BSDC1: variants seen among roughly 807,000 people sequenced by gnomAD.
BSDC1 encodes the protein BSD domain containing 1, also known as BSD domain-containing protein 1.
BSDC1 carries 29 observed loss-of-function variants against 56.0 expected under a neutral mutation model. That is an observed-to-expected ratio of 0.52 (90% CI 0.39 to 0.71). The LOEUF is 0.71. Among genes scored for constraint, BSDC1 ranks in the 30% least tolerant of loss-of-function variants. The pLI, the probability that BSDC1 is intolerant of heterozygous loss-of-function variation, is 0.00. For synonymous variants in BSDC1, 210 were observed against 215.3 expected (o/e 0.98, Z 0.21); for missense variants, 477 against 548.5 (o/e 0.87, Z 1.30).
At chr1:32,385,191 A>T (rs1642623163) in intron 3 of BSDC1, among the ~76,000 whole-genome samples, 1 of 152,200 alleles carries the variant, frequency 6.6e-6, no homozygotes, top group African/African-American at 2.4e-5. Flanking sequence ...CTTTGCAGGG[A>T]TATCTTTGAC....
chr1:32,381,316 A>G, intron 4 of BSDC1, 48 bp from the exon 5 acceptor site: 11 of 1,571,494 alleles, frequency 7.0e-6, no homozygotes, highest in Non-Finnish European at 9.6e-6. Context: ...GATACTGGGC[A>G]TAGAAAGCAC....
Position 32,365,446 on chromosome 1 carries a change from T to G in BSDC1, c.*1176A>C, listed in dbSNP as rs1025829296. The G allele has an allele frequency of 2.0e-5, 3 of 152,484 alleles. No individual in the cohort carries two copies. The highest frequency in any genetic ancestry group is 7.2e-5 in the African/African-American group (3 of 41,468). 9.4% of individuals were successfully genotyped at this position (152,484 alleles called of 1,614,324 possible). The stretch of plus-strand genomic sequence containing the variant: ...AGTGACCTCACTCTCTCGGTGTCCC[T>G]GACCCACGATCCCTTTCACTCATTG... On this transcript the variant is annotated 3_prime_UTR_variant, in exon 11 of 11. Transcript: ENST00000455895.
chr1:32,393,312 TCCA>T (rs1642930408), intron 2 of BSDC1, among the ~76,000 whole-genome samples: 1 of 152,206 alleles, frequency 6.6e-6, no homozygotes, highest in Non-Finnish European at 1.5e-5. Flanking sequence ...AAGAAGGCCT[TCCA>T]CTCTCTGGTG....
rs760817406 is a variant in BSDC1 at position 32,378,164 on chromosome 1, C to A, written c.597+51G>T. The A allele has an allele frequency of 1.2e-6, 2 of 1,609,708 alleles. No homozygotes were observed. Among genetic ancestry groups the A allele is most frequent in the South Asian group, 1.1e-5 (1 of 90,956 alleles). ...CCCTTTCTTCTCTCAATAAATCCAG[C>A]CTGCTTCCCCCAGGGTTGAGTGGGG... On this transcript the variant is annotated intron_variant, in intron 7 of 10. Coordinates refer to ENST00000455895, the MANE Select transcript of BSDC1 (RefSeq NM_018045.8). This position sits in a 1 kb window ranked among gnomAD's most constrained non-coding sequence, Gnocchi z 5.2.
At chr1:32,384,926 T>A (rs1285133993) in intron 3 of BSDC1, among the ~76,000 whole-genome samples, 1 of 152,192 alleles carries the variant, frequency 6.6e-6, no homozygotes, top group Non-Finnish European at 1.5e-5. Flanking sequence ...TTATAGCAGT[T>A]TAGCAGGGTT....
At chr1:32,368,132 A>G (rs1641918522) in intron 10 of BSDC1, 1 of 1,393,326 alleles carries the variant, frequency 7.2e-7, no homozygotes, top group Non-Finnish European at 9.3e-7. Flanking sequence ...TTGGCCTCCC[A>G]AAGTGTTGGG....
At chr1:32,387,675 A>G (rs1642721826) in intron 2 of BSDC1, among the ~76,000 whole-genome samples, 1 of 152,096 alleles carries the variant, frequency 6.6e-6, no homozygotes, top group Non-Finnish European at 1.5e-5. Context: ...AAGTGTTTCT[A>G]TTTTTACTTT....
chr1:32,371,471 C>T (rs1031856104), intron 9 of BSDC1, among the ~76,000 whole-genome samples: 7 of 151,774 alleles, frequency 4.6e-5, no homozygotes, highest in East Asian at 3.9e-4. Context: ...CCACCACGCC[C>T]GGCTAATTTT....
chr1:32,389,175 C>T (rs540661009), intron 2 of BSDC1, among the ~76,000 whole-genome samples: 6 of 152,160 alleles, frequency 3.9e-5, no homozygotes, highest in African/African-American at 7.2e-5. Context: ...AGGATGGTCT[C>T]GATCTCCTGA....
At chr1:32,368,158 C>T in intron 10 of BSDC1, 2 of 1,428,436 alleles carry the variant, frequency 1.4e-6, no homozygotes, top group African/African-American at 2.9e-5. Context: ...AGGTGTGAGC[C>T]ACCGCGCTCA....
At chr1:32,394,210 C>G (rs977968913) in intron 1 of BSDC1, 70 bp from the exon 2 acceptor site, 11 of 1,578,598 alleles carry the variant, frequency 7.0e-6, no homozygotes, top group Non-Finnish European at 8.6e-6. Context: ...CGGTTTGTTC[C>G]CCGCTCAGAT....
chr1:32,391,013 A>G (rs1427243027), intron 2 of BSDC1, among the ~76,000 whole-genome samples: 2 of 151,994 alleles, frequency 1.3e-5, no homozygotes, highest in African/African-American at 4.8e-5. Context: ...GAAAGTGGAC[A>G]GAGCAATGGG....
intron 3 of BSDC1, 22 bp from the exon 4 acceptor site, chr1:32,384,019 G>A: frequency 6.2e-7 from 1 of 1,612,964 alleles, no homozygotes; most frequent in Non-Finnish European, 8.5e-7. Flanking sequence ...ACGGGCAGAG[G>A]AAGCAAGCGC....
chr1:32,369,684 C>A (rs1269118049), intron 9 of BSDC1, among the ~76,000 whole-genome samples: 1 of 152,216 alleles, frequency 6.6e-6, no homozygotes, highest in Non-Finnish European at 1.5e-5. Flanking sequence ...ATCTACAAGA[C>A]CAACTTTTCA....
intron 4 of BSDC1, among the ~76,000 whole-genome samples, chr1:32,383,479 G>C (rs1301418071): frequency 6.6e-6 from 1 of 151,188 alleles, no homozygotes; most frequent in African/African-American, 2.4e-5. Flanking sequence ...AGATGATTAG[G>C]AAAGATGCTA....
intron 9 of BSDC1, chr1:32,369,284 A>G (rs1249823666): frequency 2.3e-6 from 3 of 1,289,770 alleles, no homozygotes; most frequent in East Asian, 5.5e-5. Flanking sequence ...CAGAGGCTCC[A>G]AGAGAGTCAC....
At chr1:32,379,884 A>C (rs1390198501) in intron 5 of BSDC1, among the ~76,000 whole-genome samples, 1 of 151,900 alleles carries the variant, frequency 6.6e-6, no homozygotes, top group African/African-American at 2.4e-5. Flanking sequence ...CTTTCTCTCT[A>C]TTTCATTCTT....
intron 9 of BSDC1, 41 bp downstream of exon 9, chr1:32,376,221 T>A (rs780024884): frequency 7.0e-7 from 1 of 1,424,996 alleles, no homozygotes; most frequent in Non-Finnish European, 9.3e-7. Context: ...GAGGTGGCCC[T>A]GACCGCACAC....
intron 9 of BSDC1, 45 bp from the exon 10 acceptor site, chr1:32,368,595 AG>A (rs1409531489): frequency 2.5e-6 from 4 of 1,612,248 alleles, no homozygotes; most frequent in Non-Finnish European, 3.4e-6. Flanking sequence ...GAGGCAGGGA[AG>A]GGGCACCTGA....
Sources: gnomAD v4.1 joint callset for allele counts (sites outside exome capture counted in the v4.1 genomes callset) on GRCh38, gnomAD v4.1.1 for gene constraint, Gnocchi (gnomAD v3.1) non-coding constraint, MANE v1.5 for transcripts, NCBI Gene and HGNC (gene_info 2026-07-23, HGNC 2026-07-21) for gene names.